BARD1: variants seen among roughly 807,000 people sequenced by gnomAD.
BARD1 encodes the protein BRCA1 associated RING domain 1.
A neutral mutation model predicts 77.0 loss-of-function variants in BARD1; 73 were observed. That is an observed-to-expected ratio of 0.95 (90% CI 0.79 to 1.15). The LOEUF (loss-of-function observed/expected upper bound fraction) is 1.15, where lower values mean the gene tolerates loss of function less well. BARD1 is among the 50% of genes most tolerant of loss of function. The pLI is 0.00. For synonymous variants in BARD1, 384 were observed against 338.0 expected, an observed-to-expected ratio of 1.14 and a Z score of -1.49; for missense variants, 993 against 938.8, an observed-to-expected ratio of 1.06 and a Z score of -0.75.
chr2:214,771,928 A>G (rs895654793), intron 4 of BARD1, among the ~76,000 whole-genome samples: 3 of 143,510 alleles, frequency 2.1e-5, no homozygotes, highest in Non-Finnish European at 3.1e-5. Context: ...TTTCAGGAAA[A>G]AAAAAAAAAA....
At chr2:214,771,231 A>G (rs908779539) in intron 4 of BARD1, among the ~76,000 whole-genome samples, 4 of 152,166 alleles carry the variant, frequency 2.6e-5, no homozygotes, top group African/African-American at 9.7e-5. Flanking sequence ...ACTCTCAAAA[A>G]AGACCAAATA....
At chr2:214,809,252 G>A (rs1332418714) in intron 1 of BARD1, among the ~76,000 whole-genome samples, 160 bp downstream of exon 1, 2 of 152,216 alleles carry the variant, frequency 1.3e-5, no homozygotes, top group Non-Finnish European at 2.9e-5. Flanking sequence ...AGAAGCAGAA[G>A]TTGTTAATAC....
chr2:214,752,038 T>C (rs1318414111), intron 7 of BARD1, among the ~76,000 whole-genome samples: 2 of 152,190 alleles, frequency 1.3e-5, no homozygotes, highest in Non-Finnish European at 2.9e-5. Context: ...GCTAAAGCAA[T>C]GGCCTTGCAG....
chr2:214,776,144 T>C (rs1239615430), intron 4 of BARD1, among the ~76,000 whole-genome samples: 1 of 152,176 alleles, frequency 6.6e-6, no homozygotes, highest in East Asian at 1.9e-4. Flanking sequence ...AAGCCATTCT[T>C]CTATTCCACA....
At chr2:214,775,159 G>A (rs2106095597) in intron 4 of BARD1, among the ~76,000 whole-genome samples, 1 of 152,138 alleles carries the variant, frequency 6.6e-6, no homozygotes, top group Non-Finnish European at 1.5e-5. Context: ...TTTTTTCTTT[G>A]CATTCACAAA....
At chr2:214,746,040 A>G (rs1007236626) in intron 7 of BARD1, among the ~76,000 whole-genome samples, 186 bp from the exon 8 acceptor site, 1 of 152,094 alleles carries the variant, frequency 6.6e-6, no homozygotes, top group Admixed American at 6.6e-5. Context: ...TTTTTCCCTC[A>G]AGAAAATGTC....
chr2:214,806,599 C>T (rs775066842), intron 1 of BARD1, among the ~76,000 whole-genome samples: 1 of 152,134 alleles, frequency 6.6e-6, no homozygotes, highest in Non-Finnish European at 1.5e-5. Context: ...AAAGACCAGG[C>T]ATGGTGGCTC....
chr2:214,786,116 C>T (rs2106121810), intron 3 of BARD1, among the ~76,000 whole-genome samples: 1 of 151,998 alleles, frequency 6.6e-6, no homozygotes, highest in East Asian at 1.9e-4. Flanking sequence ...CCAGTGGCCA[C>T]TAGTCTTATT....
intron 9 of BARD1, among the ~76,000 whole-genome samples, chr2:214,736,647 T>A (rs1052203304): frequency 3.9e-5 from 6 of 152,108 alleles, no homozygotes; most frequent in Non-Finnish European, 7.4e-5. Context: ...CCTGAAAACA[T>A]GCTGGCATTA....
At chr2:214,730,028 A>G (rs1692280327) in intron 10 of BARD1, among the ~76,000 whole-genome samples, 1 of 152,224 alleles carries the variant, frequency 6.6e-6, no homozygotes, top group African/African-American at 2.4e-5. Flanking sequence ...GACTTCTAAT[A>G]TACTTATATA....
In BARD1 at chr2:214,728,914, C is replaced by G. The variant is rs1196348283; in HGVS notation, c.2096G>C (p.Gly699Ala). The change falls in exon 11 of 11, where the codon GGG (glycine) becomes GCG (alanine). Residue 699 changes from glycine (G) to alanine (A), a missense_variant. Transcript: ENST00000260947. ...DNLIKLVTAGGGQILSRKPKP... is the reference protein window; with the variant it reads ...DNLIKLVTAGAGQILSRKPKP... ...GGGCTTTCTACTGAGGATCTGGCCC[C>G]CACCTGCAGTGACGAGCTTAATAAG... is the stretch of plus-strand genomic sequence containing the variant. 6.2e-7 allele frequency: 1 copy of G among 1,614,154 alleles called. No individual in the cohort carries two copies. Among genetic ancestry groups the G allele is most frequent in the Non-Finnish European group, 8.5e-7 (1 of 1,180,022 alleles).
rs769529578 is a variant in BARD1, at chr2:214,767,527, T to A, written c.1523A>T (p.Asp508Val). The A allele has an allele frequency of 1.9e-6, 3 of 1,614,052 alleles. No individual in the cohort carries two copies. In the African/African-American group the frequency reaches 4.0e-5, roughly 22 times the overall value. ...ATAGGAAAGTAACAGCTTGACTATATCCACATGCCCATTCTTGGCTGCATC... is the reference window on the plus strand; with the variant it reads ...ATAGGAAAGTAACAGCTTGACTATAACCACATGCCCATTCTTGGCTGCATC... ...LHDAAKNGHV[D>V]IVKLLLSYGA... Residue 508 changes from aspartate (D) to valine (V), a missense_variant, in exon 6 of 11, where the codon GAT (aspartate) becomes GTT (valine). Asp to Val is a radical substitution (Grantham distance 152). Transcript: ENST00000260947.
chr2:214,780,413 G>C, intron 4 of BARD1, 147 bp downstream of exon 4: 1 of 731,766 alleles, frequency 1.4e-6, no homozygotes. Flanking sequence ...CTCTCCCTAT[G>C]AATCTGGCTT....
rs1470421825 is a variant in BARD1, at chr2:214,728,123, AAC to A, written c.*551_*552del. 3.9e-5 allele frequency: 9 copies of A among 229,576 alleles called. No homozygotes were observed. The East Asian group carries it at 5.7e-4, about 14-fold the overall frequency. The allele number at this position is 229,576 out of a possible 1,614,324, so 14.2% of individuals were successfully genotyped here. On this transcript the variant is annotated 3_prime_UTR_variant, in exon 11 of 11. Transcript: ENST00000260947. ...TAAAAAACAGGGATGAAAGTGTAGA[AAC>A]ACACAACAAAGTAAATTATTAAGAA...
intron 6 of BARD1, among the ~76,000 whole-genome samples, chr2:214,765,994 C>T (rs1370774538): frequency 6.6e-6 from 1 of 152,148 alleles, no homozygotes; most frequent in Admixed American, 6.6e-5. Context: ...GCATCTGTTA[C>T]CATTGAAAAC....
At chr2:214,781,636 C>T (rs1418408935) in intron 3 of BARD1, 127 bp from the exon 4 acceptor site, 2 of 723,942 alleles carry the variant, frequency 2.8e-6, no homozygotes, top group Non-Finnish European at 4.5e-6. Flanking sequence ...TCTTTCTCAG[C>T]TCCTAGAGTG....
At chr2:214,738,045 G>A (rs183746800) in intron 9 of BARD1, among the ~76,000 whole-genome samples, 102 of 152,110 alleles carry the variant, frequency 6.7e-4, no homozygotes, top group Admixed American at 1.1e-3. Flanking sequence ...GTAAGTTTAC[G>A]TAAACATAAC....
chr2:214,808,490 A>C (rs1250937561), intron 1 of BARD1, among the ~76,000 whole-genome samples: 1 of 70,322 alleles, frequency 1.4e-5, no homozygotes, highest in Non-Finnish European at 3.0e-5. Flanking sequence ...TAGAAATCAA[A>C]GGGGAAAAAA....
At chr2:214,729,464 C>T (rs1049562752) in intron 10 of BARD1, among the ~76,000 whole-genome samples, 1 of 152,104 alleles carries the variant, frequency 6.6e-6, no homozygotes, top group Non-Finnish European at 1.5e-5. Context: ...AGCTAAGAAG[C>T]TACTTAATGA....
Sources: allele counts gnomAD v4.1 joint callset (sites outside exome capture counted in the v4.1 genomes callset), GRCh38; gene constraint gnomAD v4.1.1; transcripts MANE v1.5; gene names NCBI Gene and HGNC (gene_info 2026-07-23, HGNC 2026-07-21).